NLRC5: variants seen among roughly 807,000 people sequenced by gnomAD.
NLRC5 encodes protein NLRC5.
In NLRC5, 114 loss-of-function variants were observed where a neutral mutation model predicts 206.9. That is an observed-to-expected ratio of 0.55 (90% confidence interval 0.47 to 0.64). The LOEUF (loss-of-function observed/expected upper bound fraction) is 0.64, where lower values mean the gene tolerates loss of function less well. Ranked by LOEUF, NLRC5 falls within the 30% of genes least tolerant of loss-of-function variation. The probability of loss-of-function intolerance (pLI) is 0.00; values close to 1 mark genes in which losing one functional copy is unlikely to be tolerated. For missense variants in NLRC5, 2,008 were observed against 2,305.5 expected (o/e 0.87, Z 2.64); for synonymous variants, 952 against 962.8 (o/e 0.99, Z 0.21).
At chr16:57,040,406 A>G (rs1354201169) in intron 16 of NLRC5, among the ~76,000 whole-genome samples, 4 of 152,242 alleles carry the variant, frequency 2.6e-5, no homozygotes, top group Non-Finnish European at 5.9e-5. Context: ...GTCAAGGTCA[A>G]TTGAGTACTT....
intron 48 of NLRC5, 112 bp downstream of exon 48, chr16:57,081,722 G>A: frequency 1.1e-6 from 1 of 904,346 alleles, no homozygotes; most frequent in Middle Eastern, 2.9e-4. Context: ...ATTATCAAAG[G>A]AGACTTGGAC....
rs1475988029 is a variant in NLRC5 at position 57,061,646 on chromosome 16, C to G, written c.4099C>G (p.Gln1367Glu). 6.2e-7 allele frequency: 1 copy of G among 1,610,368 alleles called. No homozygotes were observed. Among genetic ancestry groups the G allele is most frequent in the East Asian group, 2.2e-5 (1 of 44,866 alleles). ...GACCCAGTGCTGCCTGGGCCAGAAG[C>G]AGCTGGCCATCCTCCTGAGCTTGGT... ...TLTQCCLGQKQLAILLSLVGR... is the reference protein window; with the variant it reads ...TLTQCCLGQKELAILLSLVGR... The change falls in exon 32 of 49, where the codon CAG becomes GAG. Residue 1367 changes from glutamine (Q) to glutamate (E), a missense_variant. Gln to Glu is a conservative substitution (Grantham distance 29, BLOSUM62 2). Coordinates refer to ENST00000688547, the MANE Select transcript of NLRC5 (RefSeq NM_001384950.1).
At position 57,059,013 on chromosome 16, in the gene NLRC5, T is replaced by C; in HGVS notation, c.3872T>C (p.Leu1291Pro). The C allele has an allele frequency of 6.2e-7, 1 of 1,614,184 alleles. No homozygotes were observed. The change falls in exon 29 of 49, where the codon CTG becomes CCG. Residue 1291 changes from leucine (L) to proline (P), a missense_variant. Transcript: ENST00000688547. ...ATTTCTCAGGAAAGTGCCCTGTACC[T>C]GCTGGAGACACTGCCCTCCTGCCCA... ...NSISQESALY[L>P]LETLPSCPRV...
intron 36 of NLRC5, among the ~76,000 whole-genome samples, chr16:57,068,297 G>T (rs1159013781): frequency 6.6e-6 from 1 of 152,078 alleles, no homozygotes; most frequent in African/African-American, 2.4e-5. Flanking sequence ...TGGGCATGGT[G>T]GTGCATGCCT....
In NLRC5 at chr16:57,022,829, C is replaced by G. The variant is rs538606852; in HGVS notation, c.355+514C>G. 2.6e-5 allele frequency among the ~76,000 whole-genome samples: 4 copies of G among 152,388 alleles called. No individual in the cohort carries two copies. The East Asian group carries it at 7.7e-4, about 29-fold the overall frequency. On this transcript the variant is annotated intron_variant, in intron 4 of 48. Transcript: ENST00000688547. ...CACTTTCATCTCAGCACCTTGATTTCTACAGAAGCATTGACTTTACTTATC... is the reference window on the plus strand; with the variant it reads ...CACTTTCATCTCAGCACCTTGATTTGTACAGAAGCATTGACTTTACTTATC...
In NLRC5 at chr16:57,046,620, G is replaced by A. The variant is rs769792863; in HGVS notation, c.3317G>A (p.Arg1106His). The change falls in exon 22 of 49, where the codon CGC becomes CAC. Residue 1106 changes from arginine (R) to histidine (H), a missense_variant. Coordinates refer to ENST00000688547, the MANE Select transcript of NLRC5 (RefSeq NM_001384950.1). ...GCCAAGTTCTTAGGGTTCCGTCAGC[G>A]CTGCATCCCCAGGAGCCTCTGGTAC... ...AAAKFLGFRQ[R>H]CIPRSLCLSE... 7 of 1,613,818 alleles carry A rather than the reference G, an allele frequency of 4.3e-6. No homozygotes were observed. The highest frequency in any genetic ancestry group is 1.7e-5 in the Admixed American group (1 of 59,976).
At chr16:57,054,973 C>T (rs1292527964) in intron 25 of NLRC5, 59 bp from the exon 26 acceptor site, 63 of 1,607,108 alleles carry the variant, frequency 3.9e-5, no homozygotes, top group East Asian at 1.8e-4. Context: ...GTGCTGGCCC[C>T]GTGGGGGCAT....
chr16:57,061,781 A>G (rs2144686777), intron 32 of NLRC5, 80 bp downstream of exon 32: 1 of 1,559,986 alleles, frequency 6.4e-7, no homozygotes, highest in Non-Finnish European at 8.6e-7. Flanking sequence ...AGAGGCCCCC[A>G]GGATCATGGC....
At chr16:57,055,185 C>A in intron 26 of NLRC5, 91 bp downstream of exon 26, 1 of 1,345,922 alleles carries the variant, frequency 7.4e-7, no homozygotes, top group Non-Finnish European at 1.1e-6. Flanking sequence ...ATGCAGACTG[C>A]CTACCACAAA....
intron 1 of NLRC5, among the ~76,000 whole-genome samples, chr16:57,016,552 T>C (rs915623958): frequency 2.0e-5 from 3 of 152,202 alleles, no homozygotes; most frequent in Non-Finnish European, 4.4e-5. Context: ...ATCTTTTTAT[T>C]GTGCTTTCTG....
chr16:57,078,785 T>C (rs1438842766), intron 43 of NLRC5, among the ~76,000 whole-genome samples: 2 of 152,166 alleles, frequency 1.3e-5, no homozygotes, highest in Non-Finnish European at 1.5e-5. Context: ...CTGGGACTTT[T>C]ATGTGCTCCC....
intron 8 of NLRC5, among the ~76,000 whole-genome samples, chr16:57,028,655 C>T (rs772386285): frequency 1.3e-5 from 2 of 152,186 alleles, no homozygotes; most frequent in Admixed American, 6.5e-5. Context: ...TCTGAAATCC[C>T]AGGAGAAGGG....
chr16:57,030,785 G>A (rs1597255028), intron 10 of NLRC5, among the ~76,000 whole-genome samples: 1 of 152,286 alleles, frequency 6.6e-6, no homozygotes, highest in East Asian at 1.9e-4. Flanking sequence ...TAGGTTAGGT[G>A]TCATTTTTCT....
At chr16:57,001,686 G>A (rs1368405099) in intron 1 of NLRC5, among the ~76,000 whole-genome samples, 1 of 152,178 alleles carries the variant, frequency 6.6e-6, no homozygotes, top group Non-Finnish European at 1.5e-5. Flanking sequence ...GGCGTCCAGT[G>A]TGTAATCACA....
At chr16:57,074,342 G>A (rs2068102563) in intron 38 of NLRC5, 6 of 336,094 alleles carry the variant, frequency 1.8e-5, no homozygotes, top group Middle Eastern at 9.2e-4. Flanking sequence ...ATGTGTGACC[G>A]CCATTATTAC....
intron 32 of NLRC5, chr16:57,062,660 A>C (rs1366613363): frequency 6.5e-6 from 1 of 153,610 alleles, no homozygotes; most frequent in Non-Finnish European, 1.4e-5. Context: ...TGCCCAAAAA[A>C]CTTACGTCAC....
At chr16:57,027,061 TG>T (rs1357518332) in intron 6 of NLRC5, 43 bp downstream of exon 6, 1 of 1,582,588 alleles carries the variant, frequency 6.3e-7, no homozygotes, top group Admixed American at 1.8e-5. Flanking sequence ...ATTGGGCTTT[TG>T]GGGGAGCAGA....
In NLRC5 at chr16:57,026,212, C is replaced by T. The variant is rs150148526; in HGVS notation, c.1269C>T (p.His423=). 953 of 1,613,744 alleles carry T rather than the reference C, an allele frequency of 5.9e-4. 2 individuals are homozygous for T. The highest frequency in any genetic ancestry group is 7.6e-4 in the Non-Finnish European group (900 of 1,180,040). The change falls in exon 6 of 49, where the codon CAC becomes CAT. Residue 423 remains histidine, a synonymous_variant. Transcript: ENST00000688547. The stretch of plus-strand genomic sequence containing the variant: ...GCCTCCACCATCTGCTTCCTGACCA[C>T]GCCCCAGGCCAGTCTGTGGCCCTCC... ...CLCLHHLLPD[H]APGQSVALLP... is the part of the protein sequence containing the mutation.
At chr16:57,037,424 G>C in intron 15 of NLRC5, 140 bp downstream of exon 15, 1 of 712,742 alleles carries the variant, frequency 1.4e-6, no homozygotes, top group African/African-American at 1.7e-5. Flanking sequence ...GTTACAGCCG[G>C]CACCCCTCTT....
Sources: allele counts gnomAD v4.1 joint callset (sites outside exome capture counted in the v4.1 genomes callset), GRCh38; gene constraint gnomAD v4.1.1; transcripts MANE v1.5; gene names NCBI Gene and HGNC (gene_info 2026-07-23, HGNC 2026-07-21).